Variants in CDK14 observed in about 807,000 individuals in gnomAD.
CDK14 encodes the protein cyclin-dependent kinase 14.
A neutral mutation model predicts 60.7 loss-of-function variants in CDK14; 34 were observed. That is an observed-to-expected ratio of 0.56 (90% CI 0.43 to 0.75). The LOEUF (loss-of-function observed/expected upper bound fraction) is 0.75, where lower values mean the gene tolerates loss of function less well. Ranked by LOEUF, CDK14 falls within the 30% of genes least tolerant of loss-of-function variation. The pLI is 0.00. For missense variants in CDK14, 482 were observed against 564.1 expected (o/e 0.85, Z 1.47); for synonymous variants, 197 against 203.7 (o/e 0.97, Z 0.28).
intron 4 of CDK14, among the ~76,000 whole-genome samples, chr7:90,782,698 G>A (rs941629516): frequency 6.6e-5 from 10 of 152,052 alleles, no homozygotes; most frequent in African/African-American, 2.2e-4. Flanking sequence ...ATAAGGGGTG[G>A]GATATTAAAA....
chr7:91,018,448 A>G (rs1301681103), intron 10 of CDK14, among the ~76,000 whole-genome samples: 7 of 150,036 alleles, frequency 4.7e-5, no homozygotes. Flanking sequence ...TCTTTCTCAC[A>G]CAAAAAAATT....
In CDK14 at chr7:90,967,177, GGGAA is replaced by G. The variant is rs3832536; in HGVS notation, c.947+11382_947+11385del. Among the ~76,000 whole-genome samples the G allele has an allele frequency of 4.6e-3, 629 of 136,348 alleles. 1 individual carries two copies. The highest frequency in any genetic ancestry group is 8.4e-3 in the South Asian group (34 of 4,048). 89.4% of individuals were successfully genotyped at this position (136,348 alleles called of 152,430 possible). ...AGGGAGGGAGGGAGGGAAGGAAGGA[GGGAA>G]GGAAGGAAGGAAGGAAGGAAGAAAG... On this transcript the variant is annotated intron_variant, in intron 9 of 14. Coordinates refer to ENST00000380050, the MANE Select transcript of CDK14 (RefSeq NM_001287135.2).
chr7:90,848,062 G>C (rs1020977568), intron 5 of CDK14, among the ~76,000 whole-genome samples: 1 of 151,996 alleles, frequency 6.6e-6, no homozygotes, highest in Non-Finnish European at 1.5e-5. Flanking sequence ...TTTGTTTTGT[G>C]TGTATGTTGG....
chr7:91,070,071 A>G (rs1415277130), intron 11 of CDK14, among the ~76,000 whole-genome samples: 1 of 152,224 alleles, frequency 6.6e-6, no homozygotes, highest in Non-Finnish European at 1.5e-5. Context: ...TGCTGGGATT[A>G]TAGCCATGAG....
intron 10 of CDK14, among the ~76,000 whole-genome samples, chr7:91,013,987 C>G (rs13235914): frequency 1.3e-5 from 2 of 151,722 alleles, no homozygotes; most frequent in Non-Finnish European, 2.9e-5. Flanking sequence ...GTGAGAGTAC[C>G]TTACATAAAC....
intron 6 of CDK14, among the ~76,000 whole-genome samples, chr7:90,890,252 A>G (rs1299674556): frequency 6.6e-6 from 1 of 152,202 alleles, no homozygotes; most frequent in East Asian, 1.9e-4. Flanking sequence ...ACATGCCTGT[A>G]GTCCTAGCTA....
chr7:91,019,696 C>T (rs949538033), intron 10 of CDK14, among the ~76,000 whole-genome samples: 3 of 151,984 alleles, frequency 2.0e-5, no homozygotes, highest in African/African-American at 7.3e-5. Flanking sequence ...ATCATAAATC[C>T]TAAAAGCTGC....
intron 2 of CDK14, among the ~76,000 whole-genome samples, chr7:90,707,563 G>T (rs933438767): frequency 6.6e-6 from 1 of 152,088 alleles, no homozygotes; most frequent in Non-Finnish European, 1.5e-5. Context: ...GGATAAAATG[G>T]CAACTTCATA....
At chr7:91,014,887 C>T (rs1224895442) in intron 10 of CDK14, among the ~76,000 whole-genome samples, 2 of 152,174 alleles carry the variant, frequency 1.3e-5, no homozygotes, top group Admixed American at 6.5e-5. Context: ...ACTGTGAAAT[C>T]CCCTTTCAGT....
At chr7:91,178,358 C>T (rs1374944732) in intron 14 of CDK14, among the ~76,000 whole-genome samples, 1 of 134,292 alleles carries the variant, frequency 7.4e-6, no homozygotes, top group Non-Finnish European at 1.6e-5. Context: ...CATAAAAACC[C>T]TAGAAGAAAA....
At chr7:91,065,372 G>T (rs903977141) in intron 11 of CDK14, among the ~76,000 whole-genome samples, 1 of 152,194 alleles carries the variant, frequency 6.6e-6, no homozygotes, top group East Asian at 1.9e-4. Flanking sequence ...GTGTTTTAAA[G>T]GTGTGGATTG....
chr7:91,198,959 A>G (rs1433940830), intron 14 of CDK14, among the ~76,000 whole-genome samples: 1 of 152,208 alleles, frequency 6.6e-6, no homozygotes. Context: ...TAGTTGTTTT[A>G]TGAGATTTGT....
Position 90,650,547 on chromosome 7 carries a change from A to C in CDK14, c.123+46298A>C, listed in dbSNP as rs1800611143. On this transcript the variant is annotated intron_variant, in intron 2 of 14. Transcript: ENST00000380050. ...AGTCTTTGCCTAGGCCTACGTCCTG[A>C]ATGGTATTGCCTAGGTTTTCTTCTA... is the stretch of plus-strand genomic sequence containing the variant. Among the ~76,000 whole-genome samples, 9 of 152,312 alleles carry C rather than the reference A, an allele frequency of 5.9e-5. No individual in the cohort carries two copies. The South Asian group carries it at 1.7e-3, about 28-fold the overall frequency.
intron 2 of CDK14, among the ~76,000 whole-genome samples, chr7:90,658,018 G>A (rs185942374): frequency 2.0e-5 from 3 of 152,210 alleles, no homozygotes; most frequent in African/African-American, 7.2e-5. Flanking sequence ...ATTTAGATTT[G>A]TCTGACTTTT....
chr7:91,039,046 A>G (rs1797010219), intron 10 of CDK14, among the ~76,000 whole-genome samples: 1 of 152,010 alleles, frequency 6.6e-6, no homozygotes, highest in African/African-American at 2.4e-5. Flanking sequence ...GCACACACAC[A>G]TGCATACCTC....
intron 10 of CDK14, among the ~76,000 whole-genome samples, chr7:91,040,660 A>G (rs1348963961): frequency 2.6e-5 from 4 of 152,164 alleles, no homozygotes; most frequent in African/African-American, 9.7e-5. Flanking sequence ...TTAGGACACA[A>G]CTTGTGTGAG....
intron 14 of CDK14, among the ~76,000 whole-genome samples, chr7:91,164,810 C>T (rs138472277): frequency 5.3e-5 from 8 of 152,316 alleles, no homozygotes; most frequent in African/African-American, 1.9e-4. Flanking sequence ...TGAACACAAA[C>T]TGTGACGTAC....
chr7:90,658,041 T>A (rs1478366854), intron 2 of CDK14, among the ~76,000 whole-genome samples: 2 of 152,162 alleles, frequency 1.3e-5, no homozygotes, highest in African/African-American at 4.8e-5. Flanking sequence ...TATAATTAGG[T>A]TGAGGTTTCC....
At chr7:90,781,608 A>G (rs4727243) in intron 4 of CDK14, among the ~76,000 whole-genome samples, 91,590 of 144,774 alleles carry the variant, frequency 0.63, 29,536 homozygotes, top group East Asian at 0.96. Flanking sequence ...GTGTAAGGAA[A>G]GGATCCAGTT....
Sources: allele counts gnomAD v4.1 joint callset (sites outside exome capture counted in the v4.1 genomes callset), GRCh38; gene constraint gnomAD v4.1.1; transcripts MANE v1.5; gene names NCBI Gene and HGNC (gene_info 2026-07-23, HGNC 2026-07-21).